The following IRAG1 variants were observed in gnomAD, a reference collection of about 807,000 sequenced individuals.
IRAG1 encodes inositol 1,4,5-triphosphate receptor associated 1, also known as IP3R-associated cGMP kinase substrate.
A neutral mutation model predicts 106.2 loss-of-function variants in IRAG1; 62 were observed. The ratio of observed to expected loss-of-function variants is 0.58; its 90% CI spans 0.48 to 0.72. The LOEUF (loss-of-function observed/expected upper bound fraction) is 0.72, where lower values mean the gene tolerates loss of function less well. IRAG1 is among the 30% of genes least tolerant of loss of function. The probability of loss-of-function intolerance (pLI) is 0.00; values close to 1 mark genes in which losing one functional copy is unlikely to be tolerated. For synonymous variants in IRAG1, 462 were observed against 443.9 expected (o/e 1.04, Z -0.51); for missense variants, 1,064 against 1,140.7 (o/e 0.93, Z 0.97).
At chr11:10,631,260 C>T (rs1333891162) in intron 4 of IRAG1, among the ~76,000 whole-genome samples, 1 of 152,138 alleles carries the variant, frequency 6.6e-6, no homozygotes, top group Non-Finnish European at 1.5e-5. Flanking sequence ...CCAATTGGTA[C>T]ACATGGCAGA....
intron 11 of IRAG1, among the ~76,000 whole-genome samples, chr11:10,607,884 C>G (rs535839123): frequency 3.3e-5 from 5 of 152,196 alleles, no homozygotes; most frequent in African/African-American, 1.2e-4. Flanking sequence ...TTGACACTTA[C>G]AGTCCTTGTC....
At position 10,626,449 on chromosome 11, in the gene IRAG1, G is replaced by T; in HGVS notation, c.885C>A (p.Pro295=). ...IAIEQKENFD[P]LQYPETTPKG... is the part of the protein sequence containing the mutation. ...TGGGTGTGGTCTCGGGGTACTGGAGGGGATCGAAGTTTTCCTTTTGTTCTA... is the reference window on the plus strand; with the variant it reads ...TGGGTGTGGTCTCGGGGTACTGGAGTGGATCGAAGTTTTCCTTTTGTTCTA... The change falls in exon 9 of 21, where the codon CCC becomes CCA. Residue 295 remains proline (P), a synonymous_variant. Transcript: ENST00000423302. 6.2e-7 allele frequency: 1 copy of T among 1,613,802 alleles called. No homozygotes were observed. The highest frequency in any genetic ancestry group is 8.5e-7 in the Non-Finnish European group (1 of 1,179,818).
At position 10,665,604 on chromosome 11, in the gene IRAG1, C is replaced by A. The variant is rs1859727859; in HGVS notation, c.68-13422G>T. ...TCAACCCTCCCCAGAAGAGCAGACC[C>A]CAAGACCGGGACAATGATTGGCTGT... On this transcript the variant is annotated intron_variant, in intron 1 of 20. Coordinates refer to ENST00000423302, the MANE Select transcript of IRAG1 (RefSeq NM_130385.4). This position sits in a 1 kb window ranked among gnomAD's most constrained non-coding sequence, Gnocchi z 4.2. Among the ~76,000 whole-genome samples, 1 of 152,314 alleles carries A rather than the reference C, an allele frequency of 6.6e-6. No individual in the cohort carries two copies. The highest frequency in any genetic ancestry group is 3.4e-3 in the Middle Eastern group (1 of 294).
chr11:10,656,975 C>T (rs892933091), intron 1 of IRAG1, among the ~76,000 whole-genome samples: 3 of 152,040 alleles, frequency 2.0e-5, no homozygotes, highest in Admixed American at 6.5e-5. Context: ...GTTGTCGGGC[C>T]GGGGTCTTAT....
chr11:10,663,570 C>T (rs1589941958), intron 1 of IRAG1, among the ~76,000 whole-genome samples: 1 of 152,190 alleles, frequency 6.6e-6, no homozygotes, highest in Admixed American at 6.5e-5. Flanking sequence ...TCCAGGAAGG[C>T]TTCCCTGACC....
chr11:10,642,520 A>G (rs1002588558), intron 2 of IRAG1, among the ~76,000 whole-genome samples: 18 of 152,218 alleles, frequency 1.2e-4, no homozygotes, highest in African/African-American at 4.1e-4. Context: ...GCGCTGGCAG[A>G]CAGCCCAGGA....
intron 10 of IRAG1, among the ~76,000 whole-genome samples, chr11:10,618,056 A>G (rs1372014960): frequency 6.6e-6 from 1 of 152,136 alleles, no homozygotes; most frequent in East Asian, 1.9e-4. Flanking sequence ...AAAGCCTTCA[A>G]TTTCCTTGGT....
intron 8 of IRAG1, 134 bp downstream of exon 8, chr11:10,627,582 T>A: frequency 1.1e-6 from 1 of 909,548 alleles, no homozygotes; most frequent in South Asian, 1.5e-5. Context: ...ATCTGCTGTT[T>A]CCCCAGCCCT....
At chr11:10,582,936 C>T (rs528250350) in intron 18 of IRAG1, among the ~76,000 whole-genome samples, 1 of 152,168 alleles carries the variant, frequency 6.6e-6, no homozygotes, top group Non-Finnish European at 1.5e-5. Context: ...GCCTGGATGA[C>T]AAAGCAAAAC....
At chr11:10,622,898 C>CACACACACACACACACACACACACAT (rs1855947641) in intron 10 of IRAG1, among the ~76,000 whole-genome samples, 1 of 152,066 alleles carries the variant, frequency 6.6e-6, no homozygotes. Context: ...CACACACACA[C>CACACACACACACACACACACACACAT]ACACTCCTGC....
intron 1 of IRAG1, among the ~76,000 whole-genome samples, chr11:10,691,162 G>A (rs1862025831): frequency 6.6e-6 from 1 of 152,132 alleles, no homozygotes; most frequent in South Asian, 2.1e-4. Flanking sequence ...TGATCATCAG[G>A]CACATGTACA....
At chr11:10,619,579 T>C (rs550738400) in intron 10 of IRAG1, among the ~76,000 whole-genome samples, 1 of 152,282 alleles carries the variant, frequency 6.6e-6, no homozygotes, top group South Asian at 2.1e-4. Context: ...TGGAGCACAG[T>C]GTACAAGAAT....
intron 20 of IRAG1, among the ~76,000 whole-genome samples, chr11:10,578,017 T>C (rs1851004954): frequency 6.6e-6 from 1 of 152,190 alleles, no homozygotes; most frequent in Non-Finnish European, 1.5e-5. Flanking sequence ...CCTTTGGGGC[T>C]GTATTTCCAT....
intron 11 of IRAG1, among the ~76,000 whole-genome samples, chr11:10,607,080 G>C (rs984841877): frequency 1.3e-5 from 2 of 151,408 alleles, no homozygotes; most frequent in Non-Finnish European, 2.9e-5. Context: ...ATGTACTCAT[G>C]TATGTATGTG....
chr11:10,582,195 C>T (rs1405419638), intron 18 of IRAG1, among the ~76,000 whole-genome samples: 1 of 152,194 alleles, frequency 6.6e-6, no homozygotes, highest in Non-Finnish European at 1.5e-5. Flanking sequence ...TTAAATACCT[C>T]ACCAGCTCCC....
chr11:10,589,873 C>T (rs1262343787), intron 18 of IRAG1, among the ~76,000 whole-genome samples: 1 of 152,160 alleles, frequency 6.6e-6, no homozygotes, highest in Non-Finnish European at 1.5e-5. Flanking sequence ...CTCAGTTTCC[C>T]TTACCAAGGA....
intron 1 of IRAG1, among the ~76,000 whole-genome samples, chr11:10,673,412 G>A (rs1241518088): frequency 2.6e-5 from 4 of 152,104 alleles, no homozygotes; most frequent in Admixed American, 6.5e-5. Flanking sequence ...AAAACCATAC[G>A]TATTATTTTA....
In IRAG1 at chr11:10,603,378, G is replaced by A. The variant is rs370919215; in HGVS notation, c.1744-127C>T. 3.4e-4 allele frequency: 361 copies of A among 1,048,000 alleles called. 6 individuals carry two copies. The South Asian group carries it at 5.2e-3, about 15-fold the overall frequency. The allele number at this position is 1,048,000 out of a possible 1,614,324, so 64.9% of individuals were successfully genotyped here. A position where few individuals can be genotyped will look rare whatever the true frequency, so the allele number is the denominator to read the frequency against. On this transcript the variant is annotated intron_variant, in intron 13 of 20. Transcript: ENST00000423302. ...ATTTTTCCACAAACCTGGTGGGGGC[G>A]ATGGTTTGGGGATGAAACTCTTCCA...
intron 9 of IRAG1, 52 bp from the exon 10 acceptor site, chr11:10,623,908 G>T: frequency 1.3e-6 from 2 of 1,532,892 alleles, no homozygotes; most frequent in Non-Finnish European, 9.0e-7. Flanking sequence ...ACTGGGCTGG[G>T]CTGTTCTCTT....
Sources: allele counts gnomAD v4.1 joint callset (sites outside exome capture counted in the v4.1 genomes callset), GRCh38; gene constraint gnomAD v4.1.1; non-coding constraint Gnocchi (gnomAD v3.1); transcripts MANE v1.5; gene names NCBI Gene and HGNC (gene_info 2026-07-23, HGNC 2026-07-21).